Variants in MFAP3 observed in about 807,000 individuals in gnomAD.
MFAP3 encodes the protein microfibril-associated glycoprotein 3.
In MFAP3, 8 loss-of-function variants were observed where a neutral mutation model predicts 20.5. That is an observed-to-expected ratio of 0.39 (90% CI 0.23 to 0.70). The LOEUF (loss-of-function observed/expected upper bound fraction) is 0.70. Among genes scored for constraint, MFAP3 ranks in the 30% least tolerant of loss-of-function variants. The pLI, the probability that MFAP3 is intolerant of heterozygous loss-of-function variation, is 0.44. For missense variants in MFAP3, 398 were observed against 444.6 expected, an observed-to-expected ratio of 0.90 and a Z score of 0.94; for synonymous variants, 140 against 154.0, an observed-to-expected ratio of 0.91 and a Z score of 0.67.
chr5:154,046,288 T>C (rs1484687616), intron 1 of MFAP3, among the ~76,000 whole-genome samples: 1 of 152,246 alleles, frequency 6.6e-6, no homozygotes, highest in Admixed American at 6.5e-5. Context: ...GAATTTATAA[T>C]AGGCAACTGT....
chr5:154,043,548 T>TCACACACACACA (rs145579460), intron 1 of MFAP3, among the ~76,000 whole-genome samples: 1 of 149,232 alleles, frequency 6.7e-6, no homozygotes, highest in Admixed American at 6.7e-5. Context: ...CGAAACTCCG[T>TCACACACACACA]CACACACACA....
intron 1 of MFAP3, among the ~76,000 whole-genome samples, chr5:154,043,140 G>T (rs1190497793): frequency 6.6e-6 from 1 of 152,148 alleles, no homozygotes; most frequent in African/African-American, 2.4e-5. Context: ...CCACATTTCT[G>T]ATTCTTTATG....
At chr5:154,044,857 A>T (rs1773040180) in intron 1 of MFAP3, among the ~76,000 whole-genome samples, 1 of 151,726 alleles carries the variant, frequency 6.6e-6, no homozygotes, top group African/African-American at 2.4e-5. Context: ...CCATTTCCGC[A>T]TTTATTACGT....
At chr5:154,048,731 T>C (rs1773116703) in intron 1 of MFAP3, among the ~76,000 whole-genome samples, 1 of 152,224 alleles carries the variant, frequency 6.6e-6, no homozygotes, top group African/African-American at 2.4e-5. Context: ...TGTCTAACAA[T>C]CTGTCCCTGT....
intron 1 of MFAP3, among the ~76,000 whole-genome samples, chr5:154,049,321 C>T (rs1344920261): frequency 6.6e-6 from 1 of 152,290 alleles, no homozygotes; most frequent in Non-Finnish European, 1.5e-5. Flanking sequence ...ATGCTGCTTG[C>T]CAAGGTCGTA....
intron 1 of MFAP3, among the ~76,000 whole-genome samples, chr5:154,047,852 A>G (rs1472246757): frequency 6.6e-6 from 1 of 152,158 alleles, no homozygotes; most frequent in Non-Finnish European, 1.5e-5. Flanking sequence ...AGTTCTGGAG[A>G]AAGCCTGGAG....
rs756500113 is a variant in MFAP3 at position 154,053,758 on chromosome 5, A to G, written c.*45A>G. The G allele has an allele frequency of 1.3e-6, 2 of 1,508,362 alleles. No individual in the cohort carries two copies. The highest frequency in any genetic ancestry group is 4.3e-5 in the Admixed American group (2 of 46,428). 93.4% of individuals were successfully genotyped at this position (1,508,362 alleles called of 1,614,324 possible). A position where few individuals can be genotyped will look rare whatever the true frequency, so the allele number is the denominator to read the frequency against. The stretch of plus-strand genomic sequence containing the variant: ...GTACCTACAAAATCAGCTCGCTCTC[A>G]GAAAAGGAACCTGTTTCTTAGAAGA... On this transcript the variant is annotated 3_prime_UTR_variant, in exon 3 of 3. Coordinates refer to ENST00000522782, the MANE Select transcript of MFAP3 (RefSeq NM_005927.5).
chr5:154,039,562 G>T (rs988455334), intron 1 of MFAP3, among the ~76,000 whole-genome samples: 1 of 152,184 alleles, frequency 6.6e-6, no homozygotes, highest in South Asian at 2.1e-4. Flanking sequence ...TATGAGCAAG[G>T]ATAAAGAGTT....
chr5:154,053,714 C>T lies in MFAP3; in HGVS notation c.*1C>T, dbSNP rs1461437051. 6.2e-7 allele frequency: 1 copy of T among 1,604,978 alleles called. No homozygotes were observed. The highest frequency in any genetic ancestry group is 8.5e-7 in the Non-Finnish European group (1 of 1,174,390). Reference sequence around the variant, plus strand: ...GGCATATGAAAACTGTCAGCTGTAACCTACAATGCTGTAACCCAGTACCTA... The same window carrying T: ...GGCATATGAAAACTGTCAGCTGTAATCTACAATGCTGTAACCCAGTACCTA... On this transcript the variant is annotated 3_prime_UTR_variant, in exon 3 of 3. Coordinates refer to ENST00000522782, the MANE Select transcript of MFAP3 (RefSeq NM_005927.5).
Position 154,052,989 on chromosome 5 carries a change from A to G in MFAP3, c.365A>G (p.Tyr122Cys). ...TNVAFDDRGL[Y>C]TCFVTSPIRA... ...GTAGCTTTTGATGACCGTGGGCTCTATACCTGTTTCGTCACCTCTCCAATT... is the reference window on the plus strand; with the variant it reads ...GTAGCTTTTGATGACCGTGGGCTCTGTACCTGTTTCGTCACCTCTCCAATT... The change falls in exon 3 of 3, where the codon TAT (tyrosine) becomes TGT (cysteine). Residue 122 changes from tyrosine (Y) to cysteine (C), a missense_variant. Tyr to Cys is a radical substitution (Grantham distance 194, BLOSUM62 -2). Coordinates refer to ENST00000522782, the MANE Select transcript of MFAP3 (RefSeq NM_005927.5). 1 of 1,613,816 alleles carries G rather than the reference A, an allele frequency of 6.2e-7. No individual in the cohort carries two copies. Among genetic ancestry groups the G allele is most frequent in the South Asian group, 1.1e-5 (1 of 91,076 alleles).
intron 1 of MFAP3, among the ~76,000 whole-genome samples, chr5:154,046,393 C>A (rs411245): frequency 0.61 from 93,226 of 152,032 alleles, 29,125 homozygotes; most frequent in East Asian, 0.87. Context: ...TAATCTCCAT[C>A]AATATTTATT....
At position 154,053,823 on chromosome 5, in the gene MFAP3, T is replaced by C. The variant is rs939936069; in HGVS notation, c.*110T>C. 1 of 1,000,962 alleles carries C rather than the reference T, an allele frequency of 1.0e-6. No individual in the cohort carries two copies. Among genetic ancestry groups the C allele is most frequent in the Non-Finnish European group, 1.5e-6 (1 of 672,368 alleles). The allele number at this position is 1,000,962 out of a possible 1,614,324, so 62.0% of individuals were successfully genotyped here. ...CAAAAGATGACTGGGGTTTTCCGTT[T>C]GTTAATATTAAGCACATCAGAACGT... On this transcript the variant is annotated 3_prime_UTR_variant, in exon 3 of 3. Transcript: ENST00000522782.
At chr5:154,048,971 G>T (rs930435479) in intron 1 of MFAP3, among the ~76,000 whole-genome samples, 1 of 152,196 alleles carries the variant, frequency 6.6e-6, no homozygotes, top group East Asian at 1.9e-4. Flanking sequence ...TTATGTGTAT[G>T]CAGTAAGTGC....
chr5:154,044,926 G>T (rs1433682670), intron 1 of MFAP3, among the ~76,000 whole-genome samples: 3 of 101,500 alleles, frequency 3.0e-5, no homozygotes, highest in Admixed American at 1.3e-4. Context: ...TAATAAAGTT[G>T]TTTCTTTTTT....
chr5:154,042,932 T>C (rs1772989442), intron 1 of MFAP3, among the ~76,000 whole-genome samples: 2 of 152,182 alleles, frequency 1.3e-5, no homozygotes, highest in South Asian at 2.1e-4. Flanking sequence ...CAACTTAATA[T>C]TGAGTCACCA....
chr5:154,050,948 G>C (rs180922697), intron 2 of MFAP3, among the ~76,000 whole-genome samples: 5 of 152,194 alleles, frequency 3.3e-5, no homozygotes, highest in Admixed American at 6.5e-5. Context: ...TTGTTAGGAA[G>C]ATAGTGTAGC....
chr5:154,050,292 T>C (rs929151787), intron 2 of MFAP3, among the ~76,000 whole-genome samples: 12 of 152,234 alleles, frequency 7.9e-5, no homozygotes, highest in African/African-American at 2.9e-4. Flanking sequence ...TTCTTCTTCA[T>C]TGAAGGTAGA....
Position 154,049,826 on chromosome 5 carries a change from C to A in MFAP3, c.104C>A (p.Ala35Glu). ...TTCGACCAAATGGTTTCACTGGAAG[C>A]AAATCGTAGTTCTTACAATGCATCC... ...VDFDQMVSLE[A>E]NRSSYNASFP... The change falls in exon 2 of 3, where the codon GCA (alanine) becomes GAA (glutamate). Residue 35 changes from alanine (A) to glutamate (E), a missense_variant. Physicochemically the swap from Ala to Glu is moderately radical, Grantham distance 107. Transcript: ENST00000522782. The A allele has an allele frequency of 6.2e-7, 1 of 1,613,702 alleles. No individual in the cohort carries two copies. The highest frequency in any genetic ancestry group is 8.5e-7 in the Non-Finnish European group (1 of 1,179,728).
chr5:154,050,054 T>A (rs1773152269), intron 2 of MFAP3, 37 bp downstream of exon 2: 1 of 1,541,644 alleles, frequency 6.5e-7, no homozygotes, highest in Non-Finnish European at 8.7e-7. Context: ...AGGTTACTCA[T>A]TTCCTGTTCT....
Sources: allele counts gnomAD v4.1 joint callset (sites outside exome capture counted in the v4.1 genomes callset), GRCh38; gene constraint gnomAD v4.1.1; transcripts MANE v1.5; gene names NCBI Gene and HGNC (gene_info 2026-07-23, HGNC 2026-07-21).